Variants in LRRN3 observed in about 807,000 individuals in gnomAD.
LRRN3 encodes the protein leucine rich repeat neuronal 3.
A neutral mutation model predicts 40.1 loss-of-function variants in LRRN3; 15 were observed. That is an observed-to-expected ratio of 0.37 (90% CI 0.25 to 0.58). The LOEUF is 0.58. LRRN3 is among the 20% of genes least tolerant of loss of function. LRRN3 has a pLI of 0.72. For missense variants in LRRN3, 746 were observed against 837.7 expected, an observed-to-expected ratio of 0.89 and a Z score of 1.35; for synonymous variants, 308 against 297.2, an observed-to-expected ratio of 1.04 and a Z score of -0.37.
At chr7:111,107,746 T>C (rs1000099823) in intron 2 of LRRN3, among the ~76,000 whole-genome samples, 1 of 152,116 alleles carries the variant, frequency 6.6e-6, no homozygotes, top group African/African-American at 2.4e-5. Flanking sequence ...ATAATTTTGT[T>C]GGCTAATAAT....
intron 2 of LRRN3, among the ~76,000 whole-genome samples, chr7:111,107,786 G>C (rs1798714578): frequency 6.6e-6 from 1 of 151,990 alleles, no homozygotes; most frequent in Non-Finnish European, 1.5e-5. Context: ...TGCAACATTT[G>C]GCTGTTGCAA....
intron 1 of LRRN3, among the ~76,000 whole-genome samples, chr7:111,096,091 T>C (rs1332066997): frequency 1.3e-5 from 2 of 152,022 alleles, no homozygotes; most frequent in African/African-American, 2.4e-5. Flanking sequence ...GGATACAAAA[T>C]ATAAACACAA....
At chr7:111,093,054 T>C (rs141642646) in intron 1 of LRRN3, among the ~76,000 whole-genome samples, 2 of 152,316 alleles carry the variant, frequency 1.3e-5, no homozygotes, top group African/African-American at 4.8e-5. Context: ...GTCAAAAAAA[T>C]GAGTCAGTTT....
intron 2 of LRRN3, among the ~76,000 whole-genome samples, chr7:111,100,780 T>C (rs1797888200): frequency 6.6e-6 from 1 of 151,462 alleles, no homozygotes; most frequent in African/African-American, 2.4e-5. Context: ...TTTATGAACA[T>C]CTAAGATCTT....
rs751996898 is a variant in LRRN3, at chr7:111,123,847, A to C, written c.1075A>C (p.Asn359His). The change falls in exon 3 of 3, where the codon AAC becomes CAC. Residue 359 changes from asparagine (N) to histidine (H), a missense_variant. By Grantham distance (68) the Asn-to-His change is moderately conservative. Coordinates refer to ENST00000308478, the MANE Select transcript of LRRN3 (RefSeq NM_001099658.2). This position sits in a 1 kb window ranked among gnomAD's most constrained non-coding sequence, Gnocchi z 6.4. ...LYHGTIESLP[N>H]LKEISIHSNP... ...CCATGGTACCATTGAGTCTCTGCCA[A>C]ACCTCAAGGAAATCAGCATACACAG... The C allele has an allele frequency of 5.0e-6, 8 of 1,614,008 alleles. No individual in the cohort carries two copies. The highest frequency in any genetic ancestry group is 6.8e-6 in the Non-Finnish European group (8 of 1,179,992).
At chr7:111,113,956 C>T (rs1419571780) in intron 2 of LRRN3, among the ~76,000 whole-genome samples, 1 of 152,152 alleles carries the variant, frequency 6.6e-6, no homozygotes, top group Non-Finnish European at 1.5e-5. Context: ...CTTTTCCTCT[C>T]AATTTATGTG....
At chr7:111,110,238 T>C (rs1439224839) in intron 2 of LRRN3, among the ~76,000 whole-genome samples, 2 of 152,248 alleles carry the variant, frequency 1.3e-5, no homozygotes, top group East Asian at 1.9e-4. Context: ...AAGACATCAT[T>C]AGGGAAAATG....
intron 2 of LRRN3, among the ~76,000 whole-genome samples, chr7:111,108,132 G>A (rs1234029907): frequency 6.6e-6 from 1 of 151,320 alleles, no homozygotes; most frequent in Non-Finnish European, 1.5e-5. Flanking sequence ...ACCCCAGTCT[G>A]GGTTTGGAGA....
In LRRN3 at chr7:111,124,097, T is replaced by G; in HGVS notation, c.1325T>G (p.Phe442Cys). The G allele has an allele frequency of 6.2e-7, 1 of 1,614,046 alleles. No homozygotes were observed. Among genetic ancestry groups the G allele is most frequent in the Non-Finnish European group, 8.5e-7 (1 of 1,179,970 alleles). The change falls in exon 3 of 3, where the codon TTT becomes TGT. Residue 442 changes from phenylalanine (F) to cysteine (C), a missense_variant. Physicochemically the swap from Phe to Cys is radical, Grantham distance 205. Transcript: ENST00000308478. ...LNVEAGSYVS[F>C]HCRATAEPQP... Reference sequence around the variant, plus strand: ...GTAGAAGCTGGGAGCTATGTTTCCTTTCACTGTAGAGCTACTGCAGAACCA... The same window carrying G: ...GTAGAAGCTGGGAGCTATGTTTCCTGTCACTGTAGAGCTACTGCAGAACCA...
At chr7:111,119,359 G>A (rs1800299371) in intron 2 of LRRN3, among the ~76,000 whole-genome samples, 1 of 152,138 alleles carries the variant, frequency 6.6e-6, no homozygotes, top group African/African-American at 2.4e-5. Flanking sequence ...TTCCCCTCCA[G>A]ACTGAAATTT....
chr7:111,120,409 T>A (rs1457157041), intron 2 of LRRN3, among the ~76,000 whole-genome samples: 1 of 151,894 alleles, frequency 6.6e-6, no homozygotes, highest in African/African-American at 2.4e-5. Context: ...AAACATCAGA[T>A]CTCCTGAGAC....
chr7:111,104,533 A>G (rs748329764), intron 2 of LRRN3, among the ~76,000 whole-genome samples: 12 of 151,826 alleles, frequency 7.9e-5, no homozygotes, highest in Non-Finnish European at 1.8e-4. Context: ...AGGGGACATT[A>G]TATGTGAAAC....
intron 2 of LRRN3, among the ~76,000 whole-genome samples, chr7:111,121,718 A>T (rs1354756992): frequency 8.6e-5 from 13 of 151,818 alleles, no homozygotes; most frequent in Non-Finnish European, 1.5e-4. Flanking sequence ...GACCCAGCCA[A>T]CCCATTACTG....
intron 1 of LRRN3, among the ~76,000 whole-genome samples, chr7:111,098,763 A>C (rs1313203046): frequency 6.6e-6 from 1 of 151,772 alleles, no homozygotes; most frequent in Non-Finnish European, 1.5e-5. Context: ...GTAACTTGCC[A>C]TAACTAATGA....
chr7:111,110,118 C>T (rs2129582956), intron 2 of LRRN3, among the ~76,000 whole-genome samples: 1 of 152,184 alleles, frequency 6.6e-6, no homozygotes, highest in South Asian at 2.1e-4. Context: ...CTAGGCAACA[C>T]AGTGAGACTC....
chr7:111,091,230 C>T lies in LRRN3; in HGVS notation c.-715C>T, dbSNP rs993796267. The T allele has an allele frequency of 2.6e-5, 4 of 152,298 alleles. No individual in the cohort carries two copies. Among genetic ancestry groups the T allele is most frequent in the Admixed American group, 2.0e-4 (3 of 15,284 alleles). 9.4% of individuals were successfully genotyped at this position (152,298 alleles called of 1,614,324 possible). The stretch of plus-strand genomic sequence containing the variant: ...GATCTCTCTTCACTGGATTGAGAGC[C>T]TCAGCCTGCCGACTGAGAAAAAGAG... On this transcript the variant is annotated 5_prime_UTR_variant, in exon 1 of 3. Transcript: ENST00000308478.
intron 1 of LRRN3, among the ~76,000 whole-genome samples, chr7:111,095,121 G>T (rs2129578544): frequency 6.6e-6 from 1 of 152,072 alleles, no homozygotes; most frequent in East Asian, 1.9e-4. Context: ...AAAAACACAT[G>T]ACACAGCTTC....
intron 2 of LRRN3, among the ~76,000 whole-genome samples, chr7:111,118,582 C>T (rs753610382): frequency 5.3e-5 from 8 of 151,836 alleles, no homozygotes; most frequent in Non-Finnish European, 1.0e-4. Context: ...GATTAATGTA[C>T]CTCACCAACC....
intron 2 of LRRN3, among the ~76,000 whole-genome samples, chr7:111,120,922 T>A (rs1212804357): frequency 6.6e-6 from 1 of 150,748 alleles, no homozygotes; most frequent in African/African-American, 2.5e-5. Flanking sequence ...CCTTTTATGT[T>A]GCCTCTCTAA....
Sources: allele counts gnomAD v4.1 joint callset (sites outside exome capture counted in the v4.1 genomes callset), GRCh38; gene constraint gnomAD v4.1.1; non-coding constraint Gnocchi (gnomAD v3.1); transcripts MANE v1.5; gene names NCBI Gene and HGNC (gene_info 2026-07-23, HGNC 2026-07-21).